The following PLCB1 variants were observed in gnomAD, a reference collection of about 807,000 sequenced individuals.
PLCB1 encodes the protein 1-phosphatidylinositol 4,5-bisphosphate phosphodiesterase beta-1.
Under a neutral mutation model 161.8 loss-of-function variants are expected in PLCB1, and 46 were observed. That is an observed-to-expected ratio of 0.28 (90% CI 0.22 to 0.36). The LOEUF (loss-of-function observed/expected upper bound fraction) is 0.36. PLCB1 is among the 10% of genes least tolerant of loss of function. The probability of loss-of-function intolerance (pLI) is 1.00; values close to 1 mark genes in which losing one functional copy is unlikely to be tolerated. For synonymous variants in PLCB1, 517 were observed against 503.7 expected, an observed-to-expected ratio of 1.03 and a Z score of -0.35; for missense variants, 1,016 against 1,472.5, an observed-to-expected ratio of 0.69 and a Z score of 5.07.
At chr20:8,541,313 C>T (rs2122956764) in intron 3 of PLCB1, among the ~76,000 whole-genome samples, 1 of 152,214 alleles carries the variant, frequency 6.6e-6, no homozygotes, top group South Asian at 2.1e-4. Flanking sequence ...GGCTTTCTTC[C>T]ACAGGCAGAA....
chr20:8,516,817 G>A (rs1341199985), intron 3 of PLCB1, among the ~76,000 whole-genome samples: 1 of 151,386 alleles, frequency 6.6e-6, no homozygotes, highest in Non-Finnish European at 1.5e-5. Flanking sequence ...GGTGAAAAGG[G>A]TATTCACTCA....
chr20:8,821,501 GTATATATATATATATA>G (rs552044656), intron 31 of PLCB1, among the ~76,000 whole-genome samples: 476 of 42,390 alleles, frequency 0.011, 94 homozygotes, highest in African/African-American at 0.022. Context: ...AAAAAAATAT[GTATATATATATATATA>G]TATATATATA....
intron 26 of PLCB1, among the ~76,000 whole-genome samples, chr20:8,772,993 AAAGTTT>A (rs1982768117): frequency 6.6e-6 from 1 of 152,234 alleles, no homozygotes; most frequent in African/African-American, 2.4e-5. Flanking sequence ...TGCCAAGAGG[AAAGTTT>A]CCCTCAACAC....
At chr20:8,346,435 C>G (rs549563820) in intron 2 of PLCB1, among the ~76,000 whole-genome samples, 4 of 152,240 alleles carry the variant, frequency 2.6e-5, no homozygotes, top group Non-Finnish European at 5.9e-5. Flanking sequence ...AGGAGCTTTG[C>G]ACCAAAGCAA....
At chr20:8,867,030 A>C (rs548814714) in intron 31 of PLCB1, among the ~76,000 whole-genome samples, 2 of 152,224 alleles carry the variant, frequency 1.3e-5, no homozygotes, top group African/African-American at 4.8e-5. Flanking sequence ...AAAAAGAAAA[A>C]CCAAAACTAA....
chr20:8,214,680 TAATGTCTTTTATTTC>T lies in PLCB1; in HGVS notation c.177+64312_177+64326del, dbSNP rs374016892. The stretch of plus-strand genomic sequence containing the variant: ...GACTTGCTTTTCCTCCATTTAGAAC[TAATGTCTTTTATTTC>T]AAGACCTAATGTCACCTCATTCTTT... On this transcript the variant is annotated intron_variant, in intron 2 of 31. Transcript: ENST00000338037. 9.2e-3 allele frequency among the ~76,000 whole-genome samples: 1,398 copies of T among 152,308 alleles called. 20 individuals carry two copies. The highest frequency in any genetic ancestry group is 0.028 in the African/African-American group (1,182 of 41,560).
chr20:8,313,086 T>C (rs1187422592), intron 2 of PLCB1, among the ~76,000 whole-genome samples: 1 of 152,248 alleles, frequency 6.6e-6, no homozygotes, highest in Non-Finnish European at 1.5e-5. Flanking sequence ...TCAGCCTGCC[T>C]GCAGCATGAG....
intron 31 of PLCB1, among the ~76,000 whole-genome samples, chr20:8,877,406 T>G (rs1987817756): frequency 6.6e-6 from 1 of 152,236 alleles, no homozygotes; most frequent in African/African-American, 2.4e-5. Flanking sequence ...TTGAATTGAT[T>G]GCCAACAATA....
chr20:8,269,488 T>C (rs959191828), intron 2 of PLCB1, among the ~76,000 whole-genome samples: 1 of 152,184 alleles, frequency 6.6e-6, no homozygotes, highest in African/African-American at 2.4e-5. Context: ...GCTACAGATA[T>C]GCTATTTTTA....
chr20:8,724,104 A>G (rs547128388), intron 15 of PLCB1, among the ~76,000 whole-genome samples: 2 of 151,764 alleles, frequency 1.3e-5, no homozygotes, highest in South Asian at 2.1e-4. Flanking sequence ...AAAATAACTA[A>G]TGGATGCCAG....
chr20:8,213,788 T>G (rs1016895665), intron 2 of PLCB1, among the ~76,000 whole-genome samples: 1 of 151,884 alleles, frequency 6.6e-6, no homozygotes, highest in African/African-American at 2.4e-5. Context: ...AATTTAAAAA[T>G]TAGATCTTGC....
chr20:8,462,560 G>C (rs1305180878), intron 3 of PLCB1, among the ~76,000 whole-genome samples: 4 of 152,108 alleles, frequency 2.6e-5, no homozygotes, highest in South Asian at 4.1e-4. Context: ...GTTTTCTTTA[G>C]AACTGTTTTG....
intron 3 of PLCB1, among the ~76,000 whole-genome samples, chr20:8,545,309 T>C (rs1040494612): frequency 9.2e-5 from 14 of 152,196 alleles, no homozygotes; most frequent in African/African-American, 3.4e-4. Context: ...TAGTGTGATA[T>C]GGAAGAGGAG....
At position 8,789,539 on chromosome 20, in the gene PLCB1, G is replaced by T. The variant is rs370182417; in HGVS notation, c.3300G>T (p.Arg1100=). 2.5e-6 allele frequency: 4 copies of T among 1,611,568 alleles called. No homozygotes were observed. Among genetic ancestry groups the T allele is most frequent in the Non-Finnish European group, 3.4e-6 (4 of 1,177,750 alleles). ...QMEEEKTEMI[R]SYIQEVVQYI... ...TTAGGGAGAAGACAGAGATGATCCGGTCATATATCCAGGAAGTGGTGCAGT... is the reference window on the plus strand; with the variant it reads ...TTAGGGAGAAGACAGAGATGATCCGTTCATATATCCAGGAAGTGGTGCAGT... The change falls in exon 30 of 32, where the codon CGG becomes CGT. Residue 1100 remains arginine, a synonymous_variant. Coordinates refer to ENST00000338037, the MANE Select transcript of PLCB1 (RefSeq NM_015192.4).
Position 8,637,569 on chromosome 20 carries a change from G to A in PLCB1, c.385-8533G>A, listed in dbSNP as rs962919565. Among the ~76,000 whole-genome samples, 7 of 152,006 alleles carry A rather than the reference G, an allele frequency of 4.6e-5. No individual in the cohort carries two copies. The East Asian group carries it at 1.2e-3, about 25-fold the overall frequency. ...AAAAAAGTTAAAGTAGAAGGGTGGG[G>A]ATAAATGTACCAGAAATGTATTATC... is the stretch of plus-strand genomic sequence containing the variant. On this transcript the variant is annotated intron_variant, in intron 4 of 31. Transcript: ENST00000338037.
At chr20:8,815,632 C>A (rs531863381) in intron 31 of PLCB1, among the ~76,000 whole-genome samples, 1 of 152,328 alleles carries the variant, frequency 6.6e-6, no homozygotes, top group African/African-American at 2.4e-5. Flanking sequence ...GAAGTCTAAT[C>A]TTCAGCCTCC....
At chr20:8,235,592 G>A (rs1335283731) in intron 2 of PLCB1, among the ~76,000 whole-genome samples, 1 of 152,006 alleles carries the variant, frequency 6.6e-6, no homozygotes, top group Non-Finnish European at 1.5e-5. Flanking sequence ...TCTAAATTGG[G>A]AGAGAGCCAA....
At chr20:8,454,779 G>T (rs1242667642) in intron 3 of PLCB1, among the ~76,000 whole-genome samples, 1 of 152,046 alleles carries the variant, frequency 6.6e-6, no homozygotes, top group African/African-American at 2.4e-5. Context: ...TTGTTTCTCT[G>T]TTTCCCTGTC....
At chr20:8,696,728 T>G (rs1450375680) in intron 10 of PLCB1, among the ~76,000 whole-genome samples, 1 of 151,990 alleles carries the variant, frequency 6.6e-6, no homozygotes, top group African/African-American at 2.4e-5. Flanking sequence ...TAATTTAAAT[T>G]TATTTATTTA....
Sources: gnomAD v4.1 joint callset for allele counts (sites outside exome capture counted in the v4.1 genomes callset) on GRCh38, gnomAD v4.1.1 for gene constraint, MANE v1.5 for transcripts, NCBI Gene and HGNC (gene_info 2026-07-23, HGNC 2026-07-21) for gene names.